Variants in GTF2E2 observed in about 807,000 individuals in gnomAD.
GTF2E2 encodes transcription initiation factor IIE subunit beta.
Under a neutral mutation model 40.5 loss-of-function variants are expected in GTF2E2, and 21 were observed. The ratio of observed to expected loss-of-function variants is 0.52; its 90% CI spans 0.37 to 0.75. The LOEUF (loss-of-function observed/expected upper bound fraction) is 0.75. Among genes scored for constraint, GTF2E2 ranks in the 30% least tolerant of loss-of-function variants. The pLI, the probability that GTF2E2 is intolerant of heterozygous loss-of-function variation, is 0.00. For synonymous variants in GTF2E2, 117 were observed against 121.6 expected (o/e 0.96, Z 0.25); for missense variants, 298 against 338.4 (o/e 0.88, Z 0.94).
At chr8:30,606,152 A>C (rs1276457607) in intron 6 of GTF2E2, among the ~76,000 whole-genome samples, 1 of 152,244 alleles carries the variant, frequency 6.6e-6, no homozygotes, top group African/African-American at 2.4e-5. Context: ...TAGAAACAAC[A>C]ACATCAAAGA....
intron 3 of GTF2E2, among the ~76,000 whole-genome samples, chr8:30,620,326 C>A (rs1490384943): frequency 6.6e-6 from 1 of 151,848 alleles, no homozygotes; most frequent in African/African-American, 2.4e-5. Context: ...TGCTAAGGGT[C>A]TTTATTGCTA....
At chr8:30,641,348 TAAA>T (rs1348489415) in intron 2 of GTF2E2, among the ~76,000 whole-genome samples, 1 of 152,160 alleles carries the variant, frequency 6.6e-6, no homozygotes. Flanking sequence ...TAGTTATTAT[TAAA>T]AGCGTAATTT....
chr8:30,616,696 A>C (rs1585968794), intron 3 of GTF2E2, among the ~76,000 whole-genome samples: 1 of 151,928 alleles, frequency 6.6e-6, no homozygotes, highest in East Asian at 1.9e-4. Context: ...TCACAAATGT[A>C]CTCTTCTGGT....
intron 6 of GTF2E2, among the ~76,000 whole-genome samples, chr8:30,581,300 C>T (rs1361036254): frequency 6.6e-6 from 1 of 152,162 alleles, no homozygotes; most frequent in Non-Finnish European, 1.5e-5. Flanking sequence ...AGACCCTCAC[C>T]CAGCGCCGCC....
At chr8:30,655,048 G>A (rs538361306) in intron 1 of GTF2E2, among the ~76,000 whole-genome samples, 20 of 151,990 alleles carry the variant, frequency 1.3e-4, no homozygotes, top group African/African-American at 4.1e-4. Context: ...CTATCTCTAC[G>A]AAATTAGCCA....
At chr8:30,646,531 G>A (rs1267237044) in intron 2 of GTF2E2, among the ~76,000 whole-genome samples, 1 of 152,112 alleles carries the variant, frequency 6.6e-6, no homozygotes, top group East Asian at 1.9e-4. Context: ...CCCTAAGTCA[G>A]AAATGCCACT....
intron 6 of GTF2E2, among the ~76,000 whole-genome samples, chr8:30,595,790 C>T (rs961074544): frequency 3.3e-5 from 5 of 151,530 alleles, no homozygotes; most frequent in African/African-American, 1.2e-4. Flanking sequence ...CAAGATTGCA[C>T]CACTGCACTC....
At chr8:30,589,392 C>T (rs1828774661) in intron 6 of GTF2E2, among the ~76,000 whole-genome samples, 1 of 152,088 alleles carries the variant, frequency 6.6e-6, no homozygotes, top group Non-Finnish European at 1.5e-5. Flanking sequence ...TCCATCTCTA[C>T]CAAAATTTTT....
chr8:30,578,875 C>G lies in GTF2E2; in HGVS notation c.*46G>C, dbSNP rs371705848. 8.5e-6 allele frequency: 8 copies of G among 945,210 alleles called. No homozygotes were observed. The highest frequency in any genetic ancestry group is 7.2e-5 in the East Asian group (3 of 41,898). 58.6% of individuals were successfully genotyped at this position (945,210 alleles called of 1,614,324 possible). On this transcript the variant is annotated 3_prime_UTR_variant, in exon 8 of 8. Coordinates refer to ENST00000355904, the MANE Select transcript of GTF2E2 (RefSeq NM_002095.6). Reference sequence around the variant, plus strand: ...CAGACCCCGAGCATCAGCAAGAACACTCTTGATTGTGTATCTGTAACTCTG... The same window carrying G: ...CAGACCCCGAGCATCAGCAAGAACAGTCTTGATTGTGTATCTGTAACTCTG...
rs547132507 is a variant in GTF2E2 at position 30,634,044 on chromosome 8, C to A, written c.258+988G>T. 5.3e-5 allele frequency among the ~76,000 whole-genome samples: 8 copies of A among 152,192 alleles called. No homozygotes were observed. The South Asian group carries it at 6.2e-4, about 12-fold the overall frequency. Reference sequence around the variant, plus strand: ...ATAGTACTGTCTTTTTCAAGAGATGCAACTAGTAACTAATCGTGAATAAGA... The same window carrying A: ...ATAGTACTGTCTTTTTCAAGAGATGAAACTAGTAACTAATCGTGAATAAGA... On this transcript the variant is annotated intron_variant, in intron 3 of 7. Transcript: ENST00000355904.
chr8:30,614,531 G>C, intron 4 of GTF2E2, 77 bp downstream of exon 4: 1 of 810,366 alleles, frequency 1.2e-6, no homozygotes, highest in Non-Finnish European at 2.1e-6. Context: ...CTGTGCAACA[G>C]AGCAAGACTC....
At chr8:30,607,462 G>T (rs1440375126) in intron 5 of GTF2E2, among the ~76,000 whole-genome samples, 1 of 151,986 alleles carries the variant, frequency 6.6e-6, no homozygotes, top group Non-Finnish European at 1.5e-5. Flanking sequence ...TCAATTTTTT[G>T]TAGACAAAGG....
chr8:30,633,223 AGAT>A (rs1432989323), intron 3 of GTF2E2, among the ~76,000 whole-genome samples: 1 of 152,198 alleles, frequency 6.6e-6, no homozygotes, highest in African/African-American at 2.4e-5. Context: ...AAAGTTTGAT[AGAT>A]GATCAATAAA....
At chr8:30,593,659 G>A (rs1828911137) in intron 6 of GTF2E2, among the ~76,000 whole-genome samples, 2 of 152,092 alleles carry the variant, frequency 1.3e-5, no homozygotes, top group Admixed American at 1.3e-4. Context: ...ACCACACCAG[G>A]CTGAGTTTTT....
At chr8:30,606,180 A>G (rs577159483) in intron 6 of GTF2E2, among the ~76,000 whole-genome samples, 2 of 152,342 alleles carry the variant, frequency 1.3e-5, no homozygotes, top group Admixed American at 1.3e-4. Context: ...TATTCTGCAC[A>G]TTTTTATTTA....
chr8:30,618,227 G>T (rs1800981270), intron 3 of GTF2E2, among the ~76,000 whole-genome samples: 1 of 150,460 alleles, frequency 6.6e-6, no homozygotes, highest in South Asian at 2.1e-4. Context: ...AACTGAGGAG[G>T]CAGAGGTTGC....
chr8:30,627,926 C>G (rs1030200288), intron 3 of GTF2E2, among the ~76,000 whole-genome samples: 2 of 152,134 alleles, frequency 1.3e-5, no homozygotes, highest in African/African-American at 2.4e-5. Flanking sequence ...TAATATGAAC[C>G]AGTTGAACAA....
intron 2 of GTF2E2, among the ~76,000 whole-genome samples, chr8:30,640,526 C>T (rs1465161269): frequency 2.0e-5 from 3 of 152,150 alleles, no homozygotes; most frequent in Non-Finnish European, 4.4e-5. Flanking sequence ...GCTCCCCATT[C>T]CTGTAATCAA....
At chr8:30,604,773 A>AG (rs1288293617) in intron 6 of GTF2E2, among the ~76,000 whole-genome samples, 2 of 152,166 alleles carry the variant, frequency 1.3e-5, no homozygotes, top group Non-Finnish European at 2.9e-5. Flanking sequence ...AATGTTTTCT[A>AG]GGGGGGAAAG....
Sources: gnomAD v4.1 joint callset for allele counts (sites outside exome capture counted in the v4.1 genomes callset) on GRCh38, gnomAD v4.1.1 for gene constraint, MANE v1.5 for transcripts, NCBI Gene and HGNC (gene_info 2026-07-23, HGNC 2026-07-21) for gene names.